The following NBAS variants were observed in gnomAD, a reference collection of about 807,000 sequenced individuals.
NBAS encodes NBAS subunit of NRZ tethering complex.
NBAS carries 219 observed loss-of-function variants against 302.5 expected under a neutral mutation model. That is an observed-to-expected ratio of 0.72 (90% CI 0.65 to 0.81). NBAS has a LOEUF of 0.81. Ranked by LOEUF, NBAS falls within the 30% of genes least tolerant of loss-of-function variation. The probability of loss-of-function intolerance (pLI) is 0.00; values close to 1 mark genes in which losing one functional copy is unlikely to be tolerated. For missense variants in NBAS, 2,932 were observed against 2,841.6 expected, an observed-to-expected ratio of 1.03 and a Z score of -0.72; for synonymous variants, 1,118 against 1,021.6, an observed-to-expected ratio of 1.09 and a Z score of -1.80.
chr2:15,397,561 A>C (rs1675926336), intron 26 of NBAS: 1 of 616,932 alleles, frequency 1.6e-6, no homozygotes, highest in African/African-American at 1.9e-5. Flanking sequence ...CACAACCCAC[A>C]CAGTAACGTA....
the NBAS span, among the ~76,000 whole-genome samples, chr2:15,010,711 T>C: frequency 2.0e-5 from 3 of 152,206 alleles, no homozygotes. Context: ...TCGTAAAAAA[T>C]CTTATGAAAT....
At chr2:14,801,002 G>T in the NBAS span, among the ~76,000 whole-genome samples, 1 of 151,890 alleles carries the variant, frequency 6.6e-6, no homozygotes, top group Non-Finnish European at 1.5e-5. Flanking sequence ...TTTTTTGAAA[G>T]ATCTTTTCAC....
the NBAS span, among the ~76,000 whole-genome samples, chr2:14,954,047 T>C: frequency 6.6e-6 from 1 of 152,128 alleles, no homozygotes; most frequent in Non-Finnish European, 1.5e-5. Flanking sequence ...ATTCTTAAGA[T>C]TTTCAGAAGA....
chr2:15,217,818 A>T (rs1278463010), intron 48 of NBAS, among the ~76,000 whole-genome samples: 4 of 152,276 alleles, frequency 2.6e-5, no homozygotes, highest in Non-Finnish European at 5.9e-5. Context: ...TAGAGTCAAA[A>T]GATGGTAAAT....
chr2:14,817,855 C>T, the NBAS span, among the ~76,000 whole-genome samples: 2 of 152,148 alleles, frequency 1.3e-5, no homozygotes, highest in Admixed American at 1.3e-4. Flanking sequence ...AATCTCCATT[C>T]TGCAACTGAC....
Position 15,167,019 on chromosome 2 carries a change from C to G in NBAS, c.*29G>C. The G allele has an allele frequency of 6.6e-7, 1 of 1,509,196 alleles. No homozygotes were observed. The highest frequency in any genetic ancestry group is 8.9e-7 in the Non-Finnish European group (1 of 1,128,362). The allele number at this position is 1,509,196 out of a possible 1,614,324, so 93.5% of individuals were successfully genotyped here. On this transcript the variant is annotated 3_prime_UTR_variant, in exon 52 of 52. Transcript: ENST00000281513. ...CAGCATTCAACTCCAGATGCTTTTT[C>G]TGCTAAGGAGCAGGGCCACAGGTGG...
At chr2:14,782,250 G>A in the NBAS span, among the ~76,000 whole-genome samples, 1 of 151,760 alleles carries the variant, frequency 6.6e-6, no homozygotes, top group East Asian at 1.9e-4. Flanking sequence ...TCATTAATTA[G>A]AACTTGTTCT....
intron 44 of NBAS, among the ~76,000 whole-genome samples, chr2:15,242,976 T>G (rs985441558): frequency 1.3e-5 from 2 of 152,032 alleles, no homozygotes; most frequent in Non-Finnish European, 2.9e-5. Flanking sequence ...GATAATATAG[T>G]GAGAAGGGGG....
chr2:15,011,896 C>A, the NBAS span, among the ~76,000 whole-genome samples: 13 of 152,128 alleles, frequency 8.5e-5, no homozygotes, highest in African/African-American at 2.9e-4. Context: ...AACCAACACC[C>A]CAAGATCCAT....
At chr2:15,210,872 G>T (rs1329127053) in intron 48 of NBAS, among the ~76,000 whole-genome samples, 1 of 152,068 alleles carries the variant, frequency 6.6e-6, no homozygotes, top group Non-Finnish European at 1.5e-5. Context: ...AGCCAGGCAC[G>T]GAAAGACAAA....
Position 15,475,672 on chromosome 2 carries a change from A to T in NBAS, c.1341+15T>A, listed in dbSNP as rs1403945275. ...AATACATAACTATTCTCAAACAAAC[A>T]GGAAAAAGCCTTACCTCCAAACTTA... On this transcript the variant is annotated intron_variant, in intron 14 of 51. Transcript: ENST00000281513. The T allele has an allele frequency of 6.2e-7, 1 of 1,613,154 alleles. No individual in the cohort carries two copies.
rs1558412890 is a variant in NBAS, at chr2:15,179,001, G to GTGA, written c.6824_6826dup (p.Ile2275dup). Reference sequence around the variant, plus strand: ...AACTGGGCATACCGTAGTGACTGCCGTGATTTGCTCCAGTGCCATCTCGTG... The same window carrying GTGA: ...AACTGGGCATACCGTAGTGACTGCCGTGATGATTTGCTCCAGTGCCATCTCGTG... On this transcript the variant is annotated inframe_insertion, in exon 51 of 52. Coordinates refer to ENST00000281513, the MANE Select transcript of NBAS (RefSeq NM_015909.4). 4 of 1,613,812 alleles carry GTGA rather than the reference G, an allele frequency of 2.5e-6. No individual in the cohort carries two copies. Among genetic ancestry groups the GTGA allele is most frequent in the African/African-American group, 1.3e-5 (1 of 74,844 alleles).
At chr2:15,037,918 C>T in the NBAS span, among the ~76,000 whole-genome samples, 1 of 152,086 alleles carries the variant, frequency 6.6e-6, no homozygotes, top group African/African-American at 2.4e-5. Flanking sequence ...CACAGACATA[C>T]TTGCTAATTG....
chr2:14,784,449 A>C, the NBAS span, among the ~76,000 whole-genome samples: 2 of 152,280 alleles, frequency 1.3e-5, no homozygotes, highest in African/African-American at 4.8e-5. Flanking sequence ...TTATGGTTTT[A>C]GGTCTAACGT....
intron 6 of NBAS, among the ~76,000 whole-genome samples, chr2:15,539,641 C>G (rs1039461566): frequency 1.3e-5 from 2 of 152,084 alleles, no homozygotes; most frequent in Non-Finnish European, 2.9e-5. Context: ...GGTAAAGGCC[C>G]AGGAATAATA....
intron 40 of NBAS, among the ~76,000 whole-genome samples, chr2:15,293,360 A>G (rs979729282): frequency 3.9e-5 from 6 of 152,164 alleles, no homozygotes; most frequent in African/African-American, 9.7e-5. Context: ...TTACTCCTCT[A>G]ATTTGGGGCT....
the NBAS span, among the ~76,000 whole-genome samples, chr2:15,144,229 T>C: frequency 6.6e-6 from 1 of 151,750 alleles, no homozygotes; most frequent in Non-Finnish European, 1.5e-5. Context: ...TTGTGTAGCA[T>C]GGCTGTGTCC....
the NBAS span, among the ~76,000 whole-genome samples, chr2:15,058,179 G>A: frequency 6.6e-6 from 1 of 152,170 alleles, no homozygotes; most frequent in Non-Finnish European, 1.5e-5. Flanking sequence ...CATATGAATC[G>A]ATCAGTGGTT....
chr2:15,155,675 G>A, the NBAS span, among the ~76,000 whole-genome samples: 34 of 152,308 alleles, frequency 2.2e-4, no homozygotes, highest in African/African-American at 7.2e-4. Context: ...ATTGTGTTCC[G>A]GATGCTGCAT....
Sources: gnomAD v4.1 joint callset for allele counts (sites outside exome capture counted in the v4.1 genomes callset) on GRCh38, gnomAD v4.1.1 for gene constraint, MANE v1.5 for transcripts, NCBI Gene and HGNC (gene_info 2026-07-23, HGNC 2026-07-21) for gene names.